The following TRPC1 variants were observed in gnomAD, a reference collection of about 807,000 sequenced individuals.
TRPC1 encodes transient receptor potential cation channel subfamily C member 1.
Under a neutral mutation model 88.2 loss-of-function variants are expected in TRPC1, and 42 were observed. That is an observed-to-expected ratio of 0.48 (90% CI 0.37 to 0.62). TRPC1 has a LOEUF of 0.62. TRPC1 is among the 20% of genes least tolerant of loss of function. The pLI, the probability that TRPC1 is intolerant of heterozygous loss-of-function variation, is 0.00. For synonymous variants in TRPC1, 288 were observed against 331.8 expected, an observed-to-expected ratio of 0.87 and a Z score of 1.43; for missense variants, 699 against 957.3, an observed-to-expected ratio of 0.73 and a Z score of 3.56.
intron 4 of TRPC1, among the ~76,000 whole-genome samples, chr3:142,777,219 T>C (rs958368358): frequency 1.3e-5 from 2 of 152,122 alleles, no homozygotes; most frequent in Non-Finnish European, 2.9e-5. Context: ...GAGGATCCCT[T>C]GGCCCAGGTG....
At chr3:142,728,572 C>T (rs548997185) in intron 1 of TRPC1, among the ~76,000 whole-genome samples, 7 of 152,186 alleles carry the variant, frequency 4.6e-5, no homozygotes, top group African/African-American at 1.2e-4. Context: ...CCACCCGCCT[C>T]GGCTTCCCAA....
At chr3:142,761,108 A>C (rs1935168243) in intron 4 of TRPC1, among the ~76,000 whole-genome samples, 1 of 152,168 alleles carries the variant, frequency 6.6e-6, no homozygotes, top group African/African-American at 2.4e-5. Flanking sequence ...TGCTGTGGCC[A>C]GGACTTCCAA....
At chr3:142,764,001 T>TAC (rs1250627962) in intron 4 of TRPC1, among the ~76,000 whole-genome samples, 38 of 96,970 alleles carry the variant, frequency 3.9e-4, no homozygotes, top group African/African-American at 1.7e-3. Flanking sequence ...CATACATACA[T>TAC]ATATATATAT....
chr3:142,805,729 A>T (rs534269968), intron 12 of TRPC1, among the ~76,000 whole-genome samples: 1 of 152,124 alleles, frequency 6.6e-6, no homozygotes, highest in African/African-American at 2.4e-5. Context: ...TATGGACCAT[A>T]TTTGGCTTGT....
At position 142,804,602 on chromosome 3, in the gene TRPC1, G is replaced by C; in HGVS notation, c.2126G>C (p.Gly709Ala). The C allele has an allele frequency of 8.1e-6, 13 of 1,605,826 alleles. No individual in the cohort carries two copies. Among genetic ancestry groups the C allele is most frequent in the Non-Finnish European group, 1.0e-5 (12 of 1,176,818 alleles). The stretch of plus-strand genomic sequence containing the variant: ...TGGATTTGCTCTCATACATCAAAAG[G>C]CAAGGTCAAACGGCAAAACAGTTTA... ...SKWICSHTSK[G>A]KVKRQNSLKE... Residue 709 changes from glycine to alanine, a missense_variant, in exon 12 of 13, where the codon GGC becomes GCC. Coordinates refer to ENST00000476941, the MANE Select transcript of TRPC1 (RefSeq NM_001251845.2).
rs903693245 is a variant in TRPC1, at chr3:142,753,491, C to G, written c.632+5031C>G. On this transcript the variant is annotated intron_variant, in intron 4 of 12. Transcript: ENST00000476941. ...ACAAAATTAGTAAAAAGAGACCGGG[C>G]GCGGTGGCTCACGCCTGTAATCCTA... Among the ~76,000 whole-genome samples the G allele has an allele frequency of 1.3e-5, 2 of 152,010 alleles. 1 individual carries two copies. Among genetic ancestry groups the G allele is most frequent in the South Asian group, 4.2e-4 (2 of 4,818 alleles).
At chr3:142,782,435 G>A (rs941700405) in intron 6 of TRPC1, among the ~76,000 whole-genome samples, 5 of 152,162 alleles carry the variant, frequency 3.3e-5, no homozygotes, top group Non-Finnish European at 5.9e-5. Flanking sequence ...CTTTGTTTAG[G>A]TTATCAATCT....
At chr3:142,752,258 A>T (rs1934791891) in intron 4 of TRPC1, among the ~76,000 whole-genome samples, 1 of 152,220 alleles carries the variant, frequency 6.6e-6, no homozygotes, top group African/African-American at 2.4e-5. Flanking sequence ...AGCAAAAAGG[A>T]ATGTAGTAGG....
intron 4 of TRPC1, among the ~76,000 whole-genome samples, chr3:142,766,695 C>T: frequency 6.6e-6 from 1 of 152,150 alleles, no homozygotes; most frequent in South Asian, 2.1e-4. Flanking sequence ...CCTACATTTT[C>T]CCCCATGCTG....
intron 1 of TRPC1, among the ~76,000 whole-genome samples, chr3:142,735,465 T>G (rs908293133): frequency 6.6e-6 from 1 of 152,220 alleles, no homozygotes; most frequent in Non-Finnish European, 1.5e-5. Flanking sequence ...ACAAGTCAAA[T>G]GAAACAAAAC....
At chr3:142,793,535 G>T (rs1438219502) in intron 9 of TRPC1, among the ~76,000 whole-genome samples, 2 of 151,958 alleles carry the variant, frequency 1.3e-5, no homozygotes, top group African/African-American at 4.8e-5. Context: ...GAGCTTTTGA[G>T]ATGGGATTTG....
intron 1 of TRPC1, among the ~76,000 whole-genome samples, chr3:142,730,730 T>C (rs1933870361): frequency 6.6e-6 from 1 of 150,882 alleles, no homozygotes; most frequent in South Asian, 2.1e-4. Context: ...ATCATGTCTT[T>C]TTATTTTTTC....
chr3:142,799,612 C>T (rs370058137), intron 9 of TRPC1, among the ~76,000 whole-genome samples: 15 of 152,002 alleles, frequency 9.9e-5, no homozygotes, highest in African/African-American at 3.1e-4. Flanking sequence ...TCAAGACCAG[C>T]CTGGGCAACA....
intron 12 of TRPC1, among the ~76,000 whole-genome samples, chr3:142,805,127 T>TACAC (rs1205288304): frequency 4.4e-4 from 53 of 120,474 alleles, no homozygotes; most frequent in South Asian, 1.9e-3. Context: ...CAAATATATA[T>TACAC]ATACACACAC....
At chr3:142,729,111 C>T (rs1933796815) in intron 1 of TRPC1, among the ~76,000 whole-genome samples, 1 of 152,146 alleles carries the variant, frequency 6.6e-6, no homozygotes, top group Non-Finnish European at 1.5e-5. Context: ...CCATGGCGAA[C>T]GGTTCAGGGA....
At chr3:142,731,730 T>C (rs534245180) in intron 1 of TRPC1, among the ~76,000 whole-genome samples, 3 of 151,736 alleles carry the variant, frequency 2.0e-5, no homozygotes, top group South Asian at 4.2e-4. Context: ...GAGTGCAGAG[T>C]GGATTGAAGG....
chr3:142,741,901 G>A (rs868576857), intron 2 of TRPC1, among the ~76,000 whole-genome samples: 7 of 152,268 alleles, frequency 4.6e-5, no homozygotes, highest in Admixed American at 6.5e-5. Context: ...AGTGGCTCAC[G>A]CCTGTAATCC....
chr3:142,803,838 G>A, intron 10 of TRPC1, 139 bp from the exon 11 acceptor site: 1 of 805,054 alleles, frequency 1.2e-6, no homozygotes, highest in Non-Finnish European at 2.0e-6. Flanking sequence ...CAGTACTGTG[G>A]AAGTCAACAT....
chr3:142,745,469 C>A (rs1052775032), intron 3 of TRPC1, among the ~76,000 whole-genome samples: 3 of 152,162 alleles, frequency 2.0e-5, no homozygotes, highest in African/African-American at 4.8e-5. Context: ...TATGGAGAAA[C>A]CCCATCTCTA....
Sources: allele counts gnomAD v4.1 joint callset (sites outside exome capture counted in the v4.1 genomes callset), GRCh38; gene constraint gnomAD v4.1.1; transcripts MANE v1.5; gene names NCBI Gene and HGNC (gene_info 2026-07-23, HGNC 2026-07-21).